The following DGKI variants were observed in gnomAD, a reference collection of about 807,000 sequenced individuals.
DGKI encodes the protein diacylglycerol kinase iota, also known as DAG kinase iota.
Under a neutral mutation model 147.5 loss-of-function variants are expected in DGKI, and 55 were observed. The observed-to-expected ratio is 0.37, with a 90% confidence interval of 0.30 to 0.47. DGKI has a LOEUF of 0.47. DGKI is among the 20% of genes least tolerant of loss of function. The pLI, the probability that DGKI is intolerant of heterozygous loss-of-function variation, is 1.00. For missense variants in DGKI, 1,007 were observed against 1,323.8 expected (o/e 0.76, Z 3.71); for synonymous variants, 469 against 477.1 (o/e 0.98, Z 0.22).
At chr7:137,552,681 G>A in intron 19 of DGKI, 113 bp from the exon 20 acceptor site, 1 of 1,097,566 alleles carries the variant, frequency 9.1e-7, no homozygotes, top group Non-Finnish European at 1.3e-6. Context: ...GACCAAGGCA[G>A]GTGGATCACC....
chr7:137,488,134 T>C (rs1433943584), intron 21 of DGKI, among the ~76,000 whole-genome samples: 1 of 152,192 alleles, frequency 6.6e-6, no homozygotes, highest in Non-Finnish European at 1.5e-5. Flanking sequence ...GGACACTTAC[T>C]CCTTCCTTCC....
rs185644462 is a variant in DGKI, at chr7:137,401,610, C to T, written c.2921-4197G>A. ...TTGGGGCTTGTTTTATATACACATA[C>T]GTTCTGATTGCAGACACTATGCCAT... On this transcript the variant is annotated intron_variant, in intron 30 of 32. Coordinates refer to ENST00000614521, the MANE Select transcript of DGKI (RefSeq NM_001321708.2). Among the ~76,000 whole-genome samples the T allele has an allele frequency of 1.0e-3, 156 of 152,254 alleles. 2 individuals carry two copies. The highest frequency in any genetic ancestry group is 3.6e-3 in the African/African-American group (150 of 41,536).
intron 20 of DGKI, among the ~76,000 whole-genome samples, chr7:137,522,334 G>A (rs942309064): frequency 2.6e-5 from 4 of 151,998 alleles, no homozygotes; most frequent in Admixed American, 1.3e-4. Flanking sequence ...AGAACCACAG[G>A]CAGATATGCA....
chr7:137,667,443 T>C (rs958287993), intron 3 of DGKI, among the ~76,000 whole-genome samples: 1 of 152,190 alleles, frequency 6.6e-6, no homozygotes, highest in Non-Finnish European at 1.5e-5. Flanking sequence ...CAGCAGAGAT[T>C]TGAGCCTTAG....
At chr7:137,538,376 A>G (rs1817585358) in intron 20 of DGKI, among the ~76,000 whole-genome samples, 1 of 152,224 alleles carries the variant, frequency 6.6e-6, no homozygotes, top group Non-Finnish European at 1.5e-5. Context: ...TTCATTTATC[A>G]CAAGGAATTT....
Position 137,618,151 on chromosome 7 carries a change from A to ATACATTTTTTTTTTTTT in DGKI, c.993+1672_993+1673insAAAAAAAAAAAAATGTA. ...ACTATATATATATATATATATATAT[A>ATACATTTTTTTTTTTTT]TTTTTTTTTTTTTACTCTATCATTC... On this transcript the variant is annotated intron_variant, in intron 8 of 32. Transcript: ENST00000614521. 5.0e-3 allele frequency among the ~76,000 whole-genome samples: 52 copies of ATACATTTTTTTTTTTTT among 10,466 alleles called. 5 individuals carry two copies. The highest frequency in any genetic ancestry group is 6.1e-3 in the African/African-American group (49 of 8,010). The allele number at this position is 10,466 out of a possible 152,430, so 6.9% of individuals were successfully genotyped here.
At position 137,689,953 on chromosome 7, in the gene DGKI, G is replaced by T; in HGVS notation, c.451C>A (p.Leu151Ile). 6.2e-7 allele frequency: 1 copy of T among 1,610,150 alleles called. No homozygotes were observed. Among genetic ancestry groups the T allele is most frequent in the South Asian group, 1.1e-5 (1 of 90,490 alleles). ...GLQHLAPAHP[L>I]SLPVANGPAK... is the part of the protein sequence containing the mutation. Reference sequence around the variant, plus strand: ...GGACCATTTGCCACAGGAAGGCTGAGGGGATGTGCAGGAGCCAGATGCTGG... The same window carrying T: ...GGACCATTTGCCACAGGAAGGCTGATGGGATGTGCAGGAGCCAGATGCTGG... The change falls in exon 2 of 33, where the codon CTC (leucine) becomes ATC (isoleucine). Residue 151 changes from leucine to isoleucine, a missense_variant. Physicochemically the swap from Leu to Ile is conservative, Grantham distance 5. Coordinates refer to ENST00000614521, the MANE Select transcript of DGKI (RefSeq NM_001321708.2).
At chr7:137,685,466 A>G (rs1318601967) in intron 2 of DGKI, among the ~76,000 whole-genome samples, 1 of 152,210 alleles carries the variant, frequency 6.6e-6, no homozygotes, top group Non-Finnish European at 1.5e-5. Context: ...GAGTGCTGGA[A>G]GTCCAAATGA....
chr7:137,492,776 A>C (rs1815816004), intron 21 of DGKI, among the ~76,000 whole-genome samples: 1 of 152,198 alleles, frequency 6.6e-6, no homozygotes, highest in Non-Finnish European at 1.5e-5. Context: ...TGAACAGAGC[A>C]GGGCCAGTCT....
At chr7:137,391,365 A>G (rs1562990323) in intron 32 of DGKI, 29 bp from the exon 33 acceptor site, 6 of 1,365,316 alleles carry the variant, frequency 4.4e-6, no homozygotes, top group Middle Eastern at 1.9e-4. Flanking sequence ...AAAAAAAAAA[A>G]GAGAGAGAGA....
chr7:137,397,780 C>T (rs980168698), intron 30 of DGKI, among the ~76,000 whole-genome samples: 2 of 152,260 alleles, frequency 1.3e-5, no homozygotes. Flanking sequence ...CATTCTCAAA[C>T]GAGTTGCTTG....
chr7:137,769,949 T>C (rs1796132519), intron 1 of DGKI, among the ~76,000 whole-genome samples: 1 of 152,174 alleles, frequency 6.6e-6, no homozygotes, highest in East Asian at 1.9e-4. Flanking sequence ...GAAATACCAT[T>C]GGACCCAGCA....
intron 8 of DGKI, among the ~76,000 whole-genome samples, chr7:137,615,357 G>A (rs1820493524): frequency 6.6e-6 from 1 of 152,062 alleles, no homozygotes; most frequent in Non-Finnish European, 1.5e-5. Flanking sequence ...TATACTCTTT[G>A]TGGAAATGGA....
intron 6 of DGKI, among the ~76,000 whole-genome samples, chr7:137,642,411 G>A (rs2037677): frequency 0.18 from 26,787 of 152,166 alleles, 7,112 homozygotes; most frequent in African/African-American, 0.58. Context: ...ACAGCTCTCT[G>A]ACATTAGTCA....
chr7:137,509,974 C>T (rs1047587899), intron 21 of DGKI, among the ~76,000 whole-genome samples: 5 of 152,106 alleles, frequency 3.3e-5, no homozygotes, highest in Admixed American at 3.3e-4. Context: ...GATGTTAAAG[C>T]CTGGTCTTCT....
chr7:137,521,754 T>C (rs1791750542), intron 21 of DGKI, 112 bp downstream of exon 21: 1 of 772,002 alleles, frequency 1.3e-6, no homozygotes, highest in African/African-American at 1.8e-5. Context: ...TTCACTTCTC[T>C]AACCATGATT....
At chr7:137,492,179 C>A (rs1360510377) in intron 21 of DGKI, among the ~76,000 whole-genome samples, 1 of 152,158 alleles carries the variant, frequency 6.6e-6, no homozygotes, top group Non-Finnish European at 1.5e-5. Context: ...TTCCAGGCAG[C>A]TTTTATGTTT....
At chr7:137,657,965 T>C (rs1230797174) in intron 3 of DGKI, among the ~76,000 whole-genome samples, 3 of 152,214 alleles carry the variant, frequency 2.0e-5, no homozygotes, top group Non-Finnish European at 2.9e-5. Flanking sequence ...ATGAAACTTG[T>C]AGAAGAAATC....
intron 23 of DGKI, among the ~76,000 whole-genome samples, chr7:137,472,423 A>ATATTAT (rs1263778547): frequency 4.9e-4 from 6 of 12,366 alleles, no homozygotes; most frequent in South Asian, 4.2e-3. Flanking sequence ...ATACATATAC[A>ATATTAT]TATTATATGT....
Sources: gnomAD v4.1 joint callset for allele counts (sites outside exome capture counted in the v4.1 genomes callset) on GRCh38, gnomAD v4.1.1 for gene constraint, MANE v1.5 for transcripts, NCBI Gene and HGNC (gene_info 2026-07-23, HGNC 2026-07-21) for gene names.